MYOCOS: variants seen among roughly 807,000 people sequenced by gnomAD.
The protein encoded by MYOCOS is myocilin opposite strand.
At chr1:171,608,646 C>A (rs969186893) in intron 1 of MYOCOS, among the ~76,000 whole-genome samples, 5 of 152,016 alleles carry the variant, frequency 3.3e-5, no homozygotes, top group Non-Finnish European at 5.9e-5. Context: ...TGGTCTCGAT[C>A]TCCTGACCTC....
intron 1 of MYOCOS, among the ~76,000 whole-genome samples, chr1:171,622,580 C>G (rs921776776): frequency 2.6e-5 from 4 of 152,128 alleles, no homozygotes; most frequent in African/African-American, 9.7e-5. Context: ...CTAAGCTGAC[C>G]TGGGACTAAA....
chr1:171,607,587 C>T (rs1652275652), intron 1 of MYOCOS, among the ~76,000 whole-genome samples: 1 of 152,172 alleles, frequency 6.6e-6, no homozygotes, highest in African/African-American at 2.4e-5. Context: ...CATTGACATC[C>T]TTTCTTATTC....
At chr1:171,603,647 G>A (rs1030632016) in intron 1 of MYOCOS, among the ~76,000 whole-genome samples, 2 of 152,098 alleles carry the variant, frequency 1.3e-5, no homozygotes, top group South Asian at 2.1e-4. Flanking sequence ...AACTCATGTC[G>A]GCCCCCGCCA....
At position 171,604,964 on chromosome 1, in the gene MYOCOS, T is replaced by C. The variant is rs560454130; in HGVS notation, c.-252+3884T>C. 2.0e-4 allele frequency among the ~76,000 whole-genome samples: 31 copies of C among 152,246 alleles called. 2 individuals are homozygous for C. The South Asian group carries it at 6.2e-3, about 30-fold the overall frequency. ...TCATTAGGCATTGATGAAAAAGGAC[T>C]AGATCCTAGCATAAACATCCTAATA... is the stretch of plus-strand genomic sequence containing the variant. On this transcript the variant is annotated intron_variant, in intron 1 of 3. Transcript: ENST00000636697.
At chr1:171,609,010 C>G (rs1318342355) in intron 1 of MYOCOS, among the ~76,000 whole-genome samples, 1 of 152,088 alleles carries the variant, frequency 6.6e-6, no homozygotes, top group Non-Finnish European at 1.5e-5. Flanking sequence ...TCCTGGGAAA[C>G]CTGAAGAAGA....
intron 2 of MYOCOS, among the ~76,000 whole-genome samples, chr1:171,616,407 G>A (rs1354536929): frequency 1.3e-5 from 2 of 152,100 alleles, no homozygotes; most frequent in East Asian, 1.9e-4. Context: ...CAGTGTGGTG[G>A]TGCACACCTG....
chr1:171,610,727 G>A (rs1001280554), intron 1 of MYOCOS, among the ~76,000 whole-genome samples: 1 of 152,316 alleles, frequency 6.6e-6, no homozygotes, highest in Middle Eastern at 3.4e-3. Context: ...CATTTCCAAT[G>A]CATGAATTCT....
At chr1:171,623,478 C>T (rs1652614750) in intron 1 of MYOCOS, among the ~76,000 whole-genome samples, 1 of 152,100 alleles carries the variant, frequency 6.6e-6, no homozygotes, top group Non-Finnish European at 1.5e-5. Context: ...AGAGAGGAAC[C>T]AGCATGAGAC....
intron 1 of MYOCOS, among the ~76,000 whole-genome samples, chr1:171,613,267 G>A (rs1558080261): frequency 6.6e-6 from 1 of 152,252 alleles, no homozygotes; most frequent in East Asian, 1.9e-4. Context: ...CTGAACAAGG[G>A]ATGGTGACCC....
At chr1:171,621,206 T>C (rs1652561711), upstream of MYOCOS, among the ~76,000 whole-genome samples, 1 of 152,172 alleles carries the variant, frequency 6.6e-6, no homozygotes, top group Non-Finnish European at 1.5e-5. Flanking sequence ...TGGTCACTCA[T>C]ATTTGGTTCA....
intron 1 of MYOCOS, among the ~76,000 whole-genome samples, chr1:171,611,094 A>T (rs46407): frequency 0.24 from 36,529 of 152,088 alleles, 5,479 homozygotes; most frequent in African/African-American, 0.43. Flanking sequence ...ACTGGGACCA[A>T]TTTCCCTTGC....
At chr1:171,620,068 CAT>C (rs139274519), upstream of MYOCOS, among the ~76,000 whole-genome samples, 285 of 142,386 alleles carry the variant, frequency 2.0e-3, no homozygotes, top group Non-Finnish European at 2.7e-3. Context: ...CTCCCCTTTA[CAT>C]ATATATATAT....
chr1:171,622,836 C>T (rs1298283871), intron 1 of MYOCOS, among the ~76,000 whole-genome samples: 1 of 152,136 alleles, frequency 6.6e-6, no homozygotes, highest in Non-Finnish European at 1.5e-5. Flanking sequence ...CTCTGTGACT[C>T]CTGAAAAGCT....
upstream of MYOCOS, among the ~76,000 whole-genome samples, chr1:171,621,427 G>A (rs1022850823): frequency 4.4e-5 from 6 of 136,398 alleles, no homozygotes; most frequent in Non-Finnish European, 7.6e-5. Flanking sequence ...CCAGGCTAGA[G>A]TGCAGTGGCG....
chr1:171,605,180 C>T (rs555347625), intron 1 of MYOCOS, among the ~76,000 whole-genome samples: 3 of 151,906 alleles, frequency 2.0e-5, no homozygotes, highest in Admixed American at 2.0e-4. Flanking sequence ...AGATCAATGG[C>T]ATAAGAAGCC....
upstream of MYOCOS, among the ~76,000 whole-genome samples, chr1:171,621,832 T>A (rs868208568): frequency 4.6e-4 from 70 of 152,132 alleles, 2 homozygotes; most frequent in Middle Eastern, 0.01. Flanking sequence ...TGAGACCCTG[T>A]CTCAATAATT....
At chr1:171,615,378 T>A (rs1652428102) in intron 2 of MYOCOS, among the ~76,000 whole-genome samples, 1 of 151,686 alleles carries the variant, frequency 6.6e-6, no homozygotes, top group African/African-American at 2.4e-5. Flanking sequence ...TGAGAGAGAG[T>A]GAAAGAGATA....
At chr1:171,609,212 A>G (rs1008608016) in intron 1 of MYOCOS, among the ~76,000 whole-genome samples, 11 of 152,202 alleles carry the variant, frequency 7.2e-5, no homozygotes, top group African/African-American at 2.7e-4. Context: ...TGGAAGCTAC[A>G]CTTGTTTATT....
At chr1:171,621,331 A>G (rs1407139690), upstream of MYOCOS, among the ~76,000 whole-genome samples, 1 of 147,462 alleles carries the variant, frequency 6.8e-6, no homozygotes, top group East Asian at 2.0e-4. Context: ...TCCCAGCTTC[A>G]TTACACCTTA....
Sources: allele counts gnomAD v4.1 joint callset (sites outside exome capture counted in the v4.1 genomes callset), GRCh38; gene constraint gnomAD v4.1.1; transcripts MANE v1.5; gene names NCBI Gene and HGNC (gene_info 2026-07-23, HGNC 2026-07-21).